Variants in RPRD2 observed in about 807,000 individuals in gnomAD.
The protein encoded by RPRD2 is regulation of nuclear pre-mRNA domain-containing protein 2.
Under a neutral mutation model 104.4 loss-of-function variants are expected in RPRD2, and 12 were observed. The observed-to-expected ratio is 0.11, with a 90% confidence interval of 0.07 to 0.19. RPRD2 has a LOEUF of 0.19. Ranked by LOEUF, RPRD2 falls within the 10% of genes least tolerant of loss-of-function variation. The pLI, the probability that RPRD2 is intolerant of heterozygous loss-of-function variation, is 1.00. For missense variants in RPRD2, 1,543 were observed against 1,790.1 expected (o/e 0.86, Z 2.49); for synonymous variants, 714 against 684.9 (o/e 1.04, Z -0.66).
intron 1 of RPRD2, among the ~76,000 whole-genome samples, chr1:150,402,760 A>C (rs1553885680): frequency 6.6e-6 from 1 of 152,184 alleles, no homozygotes; most frequent in Admixed American, 6.5e-5. Flanking sequence ...TGAGGTCGGG[A>C]GTTCGATACC....
chr1:150,387,251 A>G (rs1173576842), intron 1 of RPRD2, among the ~76,000 whole-genome samples: 1 of 152,134 alleles, frequency 6.6e-6, no homozygotes, highest in Non-Finnish European at 1.5e-5. Context: ...GTCTAAGCAT[A>G]TGTTTACTAG....
Position 150,428,947 on chromosome 1 carries a change from C to T in RPRD2, c.335+11222C>T, listed in dbSNP as rs1553891058. ...GAACATCCTAGCAATTCTATAAGGTCGCTGTTGAACATCCTAGCAGTTCTA... is the reference window on the plus strand; with the variant it reads ...GAACATCCTAGCAATTCTATAAGGTTGCTGTTGAACATCCTAGCAGTTCTA... On this transcript the variant is annotated intron_variant, in intron 2 of 10. Coordinates refer to ENST00000369068, the MANE Select transcript of RPRD2 (RefSeq NM_015203.5). Among the ~76,000 whole-genome samples, 6 of 151,686 alleles carry T rather than the reference C, an allele frequency of 4.0e-5. 1 individual carries two copies. The Middle Eastern group carries it at 0.014, about 344-fold the overall frequency.
chr1:150,427,210 C>A (rs587636363), intron 2 of RPRD2, among the ~76,000 whole-genome samples: 4 of 152,088 alleles, frequency 2.6e-5, no homozygotes, highest in Admixed American at 6.6e-5. Context: ...CTGTGGCTCA[C>A]GCCTGTAATC....
intron 1 of RPRD2, among the ~76,000 whole-genome samples, chr1:150,393,373 G>A (rs1423044819): frequency 6.2e-5 from 9 of 145,012 alleles, no homozygotes; most frequent in East Asian, 2.2e-4. Flanking sequence ...TGGATGGATC[G>A]ATTGAGTCCA....
Position 150,464,582 on chromosome 1 carries a change from C to T in RPRD2, c.1467C>T (p.Leu489=), listed in dbSNP as rs1560224694. 6.2e-7 allele frequency: 1 copy of T among 1,607,600 alleles called. No individual in the cohort carries two copies. Among genetic ancestry groups the T allele is most frequent in the South Asian group, 1.1e-5 (1 of 90,030 alleles). ...SPGTPTSPSN[L]TSGLKTPAPA... ...GAACGCCCACCAGCCCCAGCAACCT[C>T]ACCAGTGGCCTGAAAACACCTGCAC... Residue 489 remains leucine (L), a synonymous_variant, in exon 10 of 11, where the codon CTC becomes CTT. Coordinates refer to ENST00000369068, the MANE Select transcript of RPRD2 (RefSeq NM_015203.5).
intron 1 of RPRD2, among the ~76,000 whole-genome samples, chr1:150,397,438 T>C (rs782747334): frequency 7.2e-5 from 11 of 152,170 alleles, no homozygotes; most frequent in Non-Finnish European, 1.3e-4. Context: ...AATTAACATA[T>C]AGAACTTATA....
At chr1:150,371,662 C>T (rs587630239) in intron 1 of RPRD2, among the ~76,000 whole-genome samples, 1 of 152,312 alleles carries the variant, frequency 6.6e-6, no homozygotes, top group South Asian at 2.1e-4. Context: ...AGCCACCGTG[C>T]CCGGCTGTGC....
chr1:150,462,769 A>G (rs970907615), intron 9 of RPRD2, among the ~76,000 whole-genome samples: 1 of 152,042 alleles, frequency 6.6e-6, no homozygotes, highest in Non-Finnish European at 1.5e-5. Context: ...GTTAGCCAGG[A>G]TGGTCTCGAT....
At chr1:150,377,559 C>T (rs1281500399) in intron 1 of RPRD2, among the ~76,000 whole-genome samples, 1 of 149,732 alleles carries the variant, frequency 6.7e-6, no homozygotes, top group Non-Finnish European at 1.5e-5. Flanking sequence ...GATCGTACCA[C>T]TGCACTCTAG....
chr1:150,388,351 C>CATATACAT (rs1661765574), intron 1 of RPRD2, among the ~76,000 whole-genome samples: 1 of 104,138 alleles, frequency 9.6e-6, no homozygotes, highest in South Asian at 2.8e-4. Flanking sequence ...TATACACACA[C>CATATACAT]ATATACATAT....
chr1:150,425,777 A>C (rs1246159941), intron 2 of RPRD2, among the ~76,000 whole-genome samples: 1 of 152,140 alleles, frequency 6.6e-6, no homozygotes, highest in African/African-American at 2.4e-5. Context: ...GATAAAATAA[A>C]TCATATAAAT....
intron 1 of RPRD2, among the ~76,000 whole-genome samples, chr1:150,414,646 C>T (rs1266278413): frequency 2.2e-5 from 3 of 137,398 alleles, no homozygotes. Context: ...CGCGCCAAAG[C>T]TATAAAGAAA....
chr1:150,475,297 T>C lies in RPRD2; in HGVS notation c.*1963T>C, dbSNP rs1207454622. The C allele has an allele frequency of 7.0e-6, 1 of 143,828 alleles. No homozygotes were observed. Among genetic ancestry groups the C allele is most frequent in the Non-Finnish European group, 1.5e-5 (1 of 66,190 alleles). 8.9% of individuals were successfully genotyped at this position (143,828 alleles called of 1,614,324 possible). On this transcript the variant is annotated 3_prime_UTR_variant, in exon 11 of 11. Transcript: ENST00000369068. The stretch of plus-strand genomic sequence containing the variant: ...ATTTGACTTTCAAAATTGAAATAGG[T>C]TTTTTTTTTGCAGAAATTAAATGGG...
chr1:150,444,611 T>C (rs1330423324), intron 6 of RPRD2, among the ~76,000 whole-genome samples: 3 of 152,198 alleles, frequency 2.0e-5, no homozygotes, highest in Non-Finnish European at 4.4e-5. Context: ...GTATTTCACA[T>C]GTATGGTTAA....
intron 2 of RPRD2, 66 bp downstream of exon 2, chr1:150,417,791 C>T (rs1466882742): frequency 1.6e-6 from 2 of 1,235,034 alleles, no homozygotes; most frequent in Non-Finnish European, 1.1e-6. Flanking sequence ...GTTTCTTAAC[C>T]CATTAAGAAC....
At chr1:150,441,601 G>A (rs1553894455) in intron 3 of RPRD2, 1 of 300,938 alleles carries the variant, frequency 3.3e-6, no homozygotes, top group African/African-American at 2.2e-5. Flanking sequence ...CTAAGAAGCT[G>A]TTAAATTCTT....
chr1:150,404,131 G>A (rs1663281714), intron 1 of RPRD2, among the ~76,000 whole-genome samples: 8 of 152,190 alleles, frequency 5.3e-5, no homozygotes, highest in Admixed American at 5.2e-4. Context: ...AGCTGATTTA[G>A]CAGCCACACT....
In RPRD2 at chr1:150,411,719, A is replaced by C. The variant is rs1441431973; in HGVS notation, c.206-5877A>C. On this transcript the variant is annotated intron_variant, in intron 1 of 10. Transcript: ENST00000369068. ...AGCAAGAGAATTGCTTGAACCTGGG[A>C]GGCGGAGGTTGCAGTGAGCCAAGAT... is the stretch of plus-strand genomic sequence containing the variant. Among the ~76,000 whole-genome samples, 7 of 117,000 alleles carry C rather than the reference A, an allele frequency of 6.0e-5. No homozygotes were observed. In the East Asian group the frequency reaches 1.5e-3, roughly 26 times the overall value. The allele number at this position is 117,000 out of a possible 152,430, so 76.8% of individuals were successfully genotyped here. A position where few individuals can be genotyped will look rare whatever the true frequency, so the allele number is the denominator to read the frequency against.
chr1:150,464,278 G>A (rs782189831), intron 9 of RPRD2, among the ~76,000 whole-genome samples: 1 of 151,878 alleles, frequency 6.6e-6, no homozygotes, highest in Non-Finnish European at 1.5e-5. Flanking sequence ...CAAAGTGCTG[G>A]GATTACAGGT....
Sources: allele counts gnomAD v4.1 joint callset (sites outside exome capture counted in the v4.1 genomes callset), GRCh38; gene constraint gnomAD v4.1.1; transcripts MANE v1.5; gene names NCBI Gene and HGNC (gene_info 2026-07-23, HGNC 2026-07-21).